Variants in SLC9C2 observed in about 807,000 individuals in gnomAD.
SLC9C2 encodes the protein solute carrier family 9 member C2 (putative).
A neutral mutation model predicts 140.2 loss-of-function variants in SLC9C2; 75 were observed. The observed-to-expected ratio is 0.53, with a 90% CI of 0.44 to 0.65. The LOEUF (loss-of-function observed/expected upper bound fraction) is 0.65. Ranked by LOEUF, SLC9C2 falls within the 30% of genes least tolerant of loss-of-function variation. SLC9C2 has a pLI of 0.00. For synonymous variants in SLC9C2, 375 were observed against 420.9 expected, an observed-to-expected ratio of 0.89 and a Z score of 1.34; for missense variants, 1,074 against 1,331.8, an observed-to-expected ratio of 0.81 and a Z score of 3.01.
chr1:173,501,006 T>C lies in SLC9C2; in HGVS notation c.*88A>G. ...TCCTTGCAGATAATCCTTTAGTATT[T>C]GAGCGAGGAAAGTAGTTTGGTCTTT... On this transcript the variant is annotated 3_prime_UTR_variant, in exon 28 of 28. Coordinates refer to ENST00000367714, the MANE Select transcript of SLC9C2 (RefSeq NM_178527.4). 1 of 1,359,054 alleles carries C rather than the reference T, an allele frequency of 7.4e-7. No homozygotes were observed. The highest frequency in any genetic ancestry group is 9.6e-7 in the Non-Finnish European group (1 of 1,039,838). 84.2% of individuals were successfully genotyped at this position (1,359,054 alleles called of 1,614,324 possible). A position where few individuals can be genotyped will look rare whatever the true frequency, so the allele number is the denominator to read the frequency against.
At position 173,506,995 on chromosome 1, in the gene SLC9C2, T is replaced by C. The variant is rs761098782; in HGVS notation, c.3086A>G (p.Glu1029Gly). ...NCVMFNQAYV[E>G]TLSSYSDMII... Reference sequence around the variant, plus strand: ...CATGTCACTATAGCTTGATAAAGTTTCCACATATGCTTGATTGAACATCAC... The same window carrying C: ...CATGTCACTATAGCTTGATAAAGTTCCCACATATGCTTGATTGAACATCAC... The change falls in exon 25 of 28, where the codon GAA (glutamate) becomes GGA (glycine). Residue 1029 changes from glutamate (E) to glycine (G), a missense_variant. Coordinates refer to ENST00000367714, the MANE Select transcript of SLC9C2 (RefSeq NM_178527.4). 6.2e-7 allele frequency: 1 copy of C among 1,609,720 alleles called. No individual in the cohort carries two copies. The highest frequency in any genetic ancestry group is 8.5e-7 in the Non-Finnish European group (1 of 1,178,718).
chr1:173,596,277 T>C (rs1200662112), intron 4 of SLC9C2: 1 of 152,198 alleles, frequency 6.6e-6, no homozygotes, highest in South Asian at 2.1e-4. Context: ...TTCATGTCTC[T>C]TGGGTAAATA....
chr1:173,508,511 C>T (rs1430941054), intron 24 of SLC9C2, among the ~76,000 whole-genome samples: 1 of 144,004 alleles, frequency 6.9e-6, no homozygotes, highest in African/African-American at 2.4e-5. Flanking sequence ...ATTTGTCCCA[C>T]TTCTCATGAA....
intron 9 of SLC9C2, among the ~76,000 whole-genome samples, chr1:173,564,884 G>C (rs556941798): frequency 6.6e-6 from 1 of 151,048 alleles, no homozygotes; most frequent in Non-Finnish European, 1.5e-5. Context: ...TGATCTGCCC[G>C]CCTCGGCCTC....
intron 21 of SLC9C2, among the ~76,000 whole-genome samples, chr1:173,523,169 C>T (rs1422814592): frequency 1.3e-5 from 2 of 151,986 alleles, no homozygotes; most frequent in African/African-American, 4.8e-5. Flanking sequence ...GTAAGGAGTT[C>T]GAGACCAGCC....
Position 173,534,483 on chromosome 1 carries a change from C to T in SLC9C2, c.1974+1G>A. The T allele has an allele frequency of 2.6e-6, 4 of 1,558,766 alleles. No individual in the cohort carries two copies. Among genetic ancestry groups the T allele is most frequent in the Non-Finnish European group, 3.5e-6 (4 of 1,157,910 alleles). On this transcript the variant is annotated splice_donor_variant, in intron 16 of 27. Transcript: ENST00000367714. LOFTEE classifies it high-confidence loss of function. ...GATTCTATTTCTATTTTAAACAGTA[C>T]CTTCAATGTTGATTCTAATACATAT...
intron 13 of SLC9C2, among the ~76,000 whole-genome samples, chr1:173,538,765 G>A (rs1662161306): frequency 1.3e-5 from 2 of 152,190 alleles, no homozygotes; most frequent in South Asian, 2.1e-4. Context: ...ACGTACAGAG[G>A]TGAGAAACAG....
At chr1:173,590,419 G>A (rs898240908) in intron 4 of SLC9C2, among the ~76,000 whole-genome samples, 54 of 152,042 alleles carry the variant, frequency 3.6e-4, no homozygotes, top group African/African-American at 1.2e-3. Flanking sequence ...AACTAAAATA[G>A]TCCTCCTTTA....
At chr1:173,578,332 G>T (rs1035688709) in intron 7 of SLC9C2, among the ~76,000 whole-genome samples, 1 of 152,100 alleles carries the variant, frequency 6.6e-6, no homozygotes, top group Admixed American at 6.6e-5. Flanking sequence ...TCAGGGAAAA[G>T]AACAAAATTA....
intron 4 of SLC9C2, among the ~76,000 whole-genome samples, chr1:173,597,071 T>G (rs527372147): frequency 2.0e-5 from 3 of 152,006 alleles, no homozygotes; most frequent in Admixed American, 2.0e-4. Flanking sequence ...TGAACAAATT[T>G]AGACCCCTAC....
intron 4 of SLC9C2, among the ~76,000 whole-genome samples, chr1:173,591,194 C>T (rs1212555117): frequency 2.6e-5 from 4 of 152,018 alleles, no homozygotes; most frequent in East Asian, 1.9e-4. Context: ...TCCATGTTCC[C>T]GCAAAAGACA....
In SLC9C2 at chr1:173,573,333, G is replaced by A. The variant is rs766070533; in HGVS notation, c.903-8C>T. The A allele has an allele frequency of 6.9e-7, 1 of 1,451,404 alleles. No individual in the cohort carries two copies. Among genetic ancestry groups the A allele is most frequent in the Non-Finnish European group, 9.4e-7 (1 of 1,065,456 alleles). 89.9% of individuals were successfully genotyped at this position (1,451,404 alleles called of 1,614,324 possible). A position where few individuals can be genotyped will look rare whatever the true frequency, so the allele number is the denominator to read the frequency against. Reference sequence around the variant, plus strand: ...GAAAAAATTCTTAAGAACCTAGGATGAATGAAATAGAAATGACATTTTAAG... The same window carrying A: ...GAAAAAATTCTTAAGAACCTAGGATAAATGAAATAGAAATGACATTTTAAG... On this transcript the variant is annotated splice_region_variant and splice_polypyrimidine_tract_variant and intron_variant, in intron 8 of 27. Transcript: ENST00000367714.
At position 173,506,482 on chromosome 1, in the gene SLC9C2, T is replaced by C. The variant is rs1009392914; in HGVS notation, c.3225+374A>G. ...CAACAAAGTGATGTGGCCCCTACTCTACTCCTTTTTTGTCAACCAGTGCAG... is the reference window on the plus strand; with the variant it reads ...CAACAAAGTGATGTGGCCCCTACTCCACTCCTTTTTTGTCAACCAGTGCAG... On this transcript the variant is annotated intron_variant, in intron 25 of 27. Coordinates refer to ENST00000367714, the MANE Select transcript of SLC9C2 (RefSeq NM_178527.4). 2.6e-5 allele frequency among the ~76,000 whole-genome samples: 4 copies of C among 152,356 alleles called. No homozygotes were observed. In the East Asian group the frequency reaches 7.7e-4, roughly 29 times the overall value.
chr1:173,565,096 T>C (rs10912645), intron 9 of SLC9C2, among the ~76,000 whole-genome samples: 59,494 of 151,132 alleles, frequency 0.39, 14,174 homozygotes, highest in African/African-American at 0.65. Flanking sequence ...GCCTCCCAAG[T>C]AGCTGGGATT....
At chr1:173,548,726 T>A (rs1291702665) in intron 11 of SLC9C2, among the ~76,000 whole-genome samples, 174 bp from the exon 12 acceptor site, 3 of 152,212 alleles carry the variant, frequency 2.0e-5, no homozygotes, top group Admixed American at 6.5e-5. Flanking sequence ...CAACTATTTG[T>A]TTCTTTTTGG....
chr1:173,601,593 C>T, intron 2 of SLC9C2, 57 bp downstream of exon 2: 2 of 1,578,122 alleles, frequency 1.3e-6, no homozygotes, highest in Admixed American at 1.8e-5. Flanking sequence ...TGGCTTTCTG[C>T]ATTGACAAAA....
At chr1:173,539,631 T>C (rs1662227731) in intron 13 of SLC9C2, among the ~76,000 whole-genome samples, 1 of 152,118 alleles carries the variant, frequency 6.6e-6, no homozygotes, top group African/African-American at 2.4e-5. Context: ...CTATGCATAG[T>C]GTTAAAATCA....
intron 5 of SLC9C2, among the ~76,000 whole-genome samples, chr1:173,586,993 TTTGTTG>T (rs562646068): frequency 1.3e-5 from 2 of 151,926 alleles, no homozygotes; most frequent in East Asian, 3.9e-4. Flanking sequence ...GTATCCCATT[TTTGTTG>T]TTGTTGTTGT....
intron 11 of SLC9C2, among the ~76,000 whole-genome samples, chr1:173,551,198 A>G (rs758046733): frequency 2.0e-5 from 3 of 152,144 alleles, no homozygotes; most frequent in Non-Finnish European, 4.4e-5. Flanking sequence ...CTCCTTCAAC[A>G]TTATCCTTCC....
Sources: allele counts gnomAD v4.1 joint callset (sites outside exome capture counted in the v4.1 genomes callset), GRCh38; gene constraint gnomAD v4.1.1; transcripts MANE v1.5; gene names NCBI Gene and HGNC (gene_info 2026-07-23, HGNC 2026-07-21).